The following ZSWIM5 variants were observed in gnomAD, a reference collection of about 807,000 sequenced individuals.
The protein encoded by ZSWIM5 is zinc finger SWIM-type containing 5.
ZSWIM5 carries 55 observed loss-of-function variants against 119.6 expected under a neutral mutation model. That is an observed-to-expected ratio of 0.46 (90% CI 0.37 to 0.58). ZSWIM5 has a LOEUF of 0.58. ZSWIM5 is among the 20% of genes least tolerant of loss of function. The probability of loss-of-function intolerance (pLI) is 0.00; values close to 1 mark genes in which losing one functional copy is unlikely to be tolerated. For missense variants in ZSWIM5, 1,193 were observed against 1,512.8 expected (o/e 0.79, Z 3.51); for synonymous variants, 537 against 606.9 (o/e 0.88, Z 1.69).
At chr1:45,181,716 G>A (rs1315306223) in intron 1 of ZSWIM5, among the ~76,000 whole-genome samples, 7 of 152,128 alleles carry the variant, frequency 4.6e-5, no homozygotes, top group Non-Finnish European at 1.0e-4. Flanking sequence ...AAGCCCATCA[G>A]ACTAACAGCT....
chr1:45,162,219 G>A (rs1365110592), intron 1 of ZSWIM5, among the ~76,000 whole-genome samples: 1 of 152,250 alleles, frequency 6.6e-6, no homozygotes, highest in Non-Finnish European at 1.5e-5. Flanking sequence ...GCTGGGCATG[G>A]TGGCTCACGC....
intron 6 of ZSWIM5, 145 bp from the exon 7 acceptor site, chr1:45,040,683 T>C: frequency 1.5e-6 from 1 of 659,060 alleles, no homozygotes; most frequent in Non-Finnish European, 2.4e-6. Context: ...TCTTTATCTT[T>C]AAGGATATAA....
rs1645027881 is a variant in ZSWIM5 at position 45,043,321 on chromosome 1, G to A, written c.1507C>T (p.His503Tyr). ...EGRELHWQDS[H>Y]LQRIISSDVY... ...TCACTGCTGATTATTCGCTGTAGGTGGCTATCCTGCCAATGTAATTCACGC... is the reference window on the plus strand; with the variant it reads ...TCACTGCTGATTATTCGCTGTAGGTAGCTATCCTGCCAATGTAATTCACGC... Residue 503 changes from histidine to tyrosine, a missense_variant, in exon 6 of 14, where the codon CAC (histidine) becomes TAC (tyrosine). This residue lies in a region of ZSWIM5 where 961 missense variants were observed against 1,290.0 expected (regional missense o/e 0.74). Coordinates refer to ENST00000359600, the MANE Select transcript of ZSWIM5 (RefSeq NM_020883.2). 1 of 1,614,196 alleles carries A rather than the reference G, an allele frequency of 6.2e-7. No homozygotes were observed. Among genetic ancestry groups the A allele is most frequent in the Non-Finnish European group, 8.5e-7 (1 of 1,180,032 alleles).
At chr1:45,115,042 T>G (rs1645542604) in intron 1 of ZSWIM5, among the ~76,000 whole-genome samples, 1 of 152,194 alleles carries the variant, frequency 6.6e-6, no homozygotes, top group Admixed American at 6.5e-5. Flanking sequence ...CATGTCCACC[T>G]CTTTCCACAC....
intron 11 of ZSWIM5, among the ~76,000 whole-genome samples, chr1:45,023,311 G>A (rs1387623956): frequency 6.6e-6 from 1 of 152,072 alleles, no homozygotes; most frequent in Non-Finnish European, 1.5e-5. Context: ...GCCTTTTCCA[G>A]CATATCATAT....
intron 10 of ZSWIM5, 141 bp from the exon 11 acceptor site, chr1:45,034,610 G>T: frequency 2.1e-6 from 2 of 970,336 alleles, no homozygotes; most frequent in Non-Finnish European, 3.0e-6. Context: ...TAAACCTATG[G>T]TACTATACAC....
At chr1:45,156,792 G>C (rs1215815853) in intron 1 of ZSWIM5, among the ~76,000 whole-genome samples, 2 of 150,694 alleles carry the variant, frequency 1.3e-5, no homozygotes, top group Non-Finnish European at 2.9e-5. Context: ...AAAACAAATG[G>C]CATCTAGATT....
chr1:45,185,171 C>T lies in ZSWIM5; in HGVS notation c.595+20585G>A, dbSNP rs1047608323. Among the ~76,000 whole-genome samples, 207 of 151,434 alleles carry T rather than the reference C, an allele frequency of 1.4e-3. 3 individuals carry two copies. Among genetic ancestry groups the T allele is most frequent in the Admixed American group, 6.2e-3 (94 of 15,152 alleles). Reference sequence around the variant, plus strand: ...GGGAAAGGATTCCCTATTTAATAAACGATGCTGGGAAAACTGGCTAGCCAT... The same window carrying T: ...GGGAAAGGATTCCCTATTTAATAAATGATGCTGGGAAAACTGGCTAGCCAT... On this transcript the variant is annotated intron_variant, in intron 1 of 13. Coordinates refer to ENST00000359600, the MANE Select transcript of ZSWIM5 (RefSeq NM_020883.2).
chr1:45,114,952 G>A (rs1358379001), intron 1 of ZSWIM5, among the ~76,000 whole-genome samples: 3 of 152,154 alleles, frequency 2.0e-5, no homozygotes, highest in African/African-American at 2.4e-5. Context: ...CAGAGAGCAC[G>A]GGGTTGGGGG....
intron 11 of ZSWIM5, among the ~76,000 whole-genome samples, chr1:45,029,686 T>G (rs146475388): frequency 6.6e-6 from 1 of 152,338 alleles, no homozygotes; most frequent in African/African-American, 2.4e-5. Context: ...TAAGTCAAAA[T>G]CATACGATCT....
At chr1:45,160,465 T>G (rs551341620) in intron 1 of ZSWIM5, among the ~76,000 whole-genome samples, 40 of 152,278 alleles carry the variant, frequency 2.6e-4, no homozygotes, top group East Asian at 1.4e-3. Context: ...CTGGTATCCA[T>G]CATTTTACTA....
intron 1 of ZSWIM5, among the ~76,000 whole-genome samples, chr1:45,093,846 GT>G (rs11383878): frequency 1.0e-3 from 141 of 137,532 alleles, no homozygotes; most frequent in African/African-American, 3.1e-3. Context: ...GTAGAAGCTT[GT>G]TTTTTTTTTT....
intron 11 of ZSWIM5, among the ~76,000 whole-genome samples, chr1:45,032,459 T>C (rs1366085073): frequency 6.7e-6 from 1 of 149,264 alleles, no homozygotes; most frequent in Non-Finnish European, 1.5e-5. Context: ...ATATTTTCAT[T>C]GGTATAAAAT....
chr1:45,042,252 C>A (rs1362611563), intron 6 of ZSWIM5, among the ~76,000 whole-genome samples: 1 of 152,058 alleles, frequency 6.6e-6, no homozygotes, highest in Non-Finnish European at 1.5e-5. Flanking sequence ...AATGAGAGTA[C>A]CTAGCTCCAT....
intron 1 of ZSWIM5, among the ~76,000 whole-genome samples, chr1:45,099,975 TG>T (rs747235714): frequency 1.1e-4 from 16 of 152,194 alleles, no homozygotes; most frequent in African/African-American, 1.4e-4. Context: ...GCATTCCCTT[TG>T]AAAACTGGCA....
intron 1 of ZSWIM5, among the ~76,000 whole-genome samples, chr1:45,091,288 T>C (rs1354670449): frequency 6.6e-6 from 1 of 152,122 alleles, no homozygotes; most frequent in Non-Finnish European, 1.5e-5. Flanking sequence ...ACTTGAATCC[T>C]GATACAAAGA....
rs113825465 is a variant in ZSWIM5 at position 45,061,738 on chromosome 1, G to GT, written c.953-1492dup. Among the ~76,000 whole-genome samples, 1,161 of 142,536 alleles carry GT rather than the reference G, an allele frequency of 8.1e-3. 3 individuals are homozygous for GT. The highest frequency in any genetic ancestry group is 0.018 in the Middle Eastern group (5 of 274). 93.5% of individuals were successfully genotyped at this position (142,536 alleles called of 152,430 possible). ...AATTAACATACCCATCACCTCACCA[G>GT]TTTTTTTTTTTTTTTTGATGTGGTA... On this transcript the variant is annotated intron_variant, in intron 2 of 13. Transcript: ENST00000359600.
At chr1:45,059,796 G>A (rs1645142446) in intron 3 of ZSWIM5, among the ~76,000 whole-genome samples, 1 of 152,096 alleles carries the variant, frequency 6.6e-6, no homozygotes, top group East Asian at 1.9e-4. Context: ...TAGTCTTCAG[G>A]CTTCATCAGG....
intron 1 of ZSWIM5, among the ~76,000 whole-genome samples, chr1:45,196,002 G>GGACTACA (rs1646119852): frequency 6.7e-6 from 1 of 149,838 alleles, no homozygotes; most frequent in Admixed American, 6.7e-5. Context: ...CAAGTAGCCG[G>GGACTACA]GACTACAGGT....
Sources: gnomAD v4.1 joint callset for allele counts (sites outside exome capture counted in the v4.1 genomes callset) on GRCh38, gnomAD v4.1.1 for gene constraint, gnomAD v4.1.1 regional missense constraint, MANE v1.5 for transcripts, NCBI Gene and HGNC (gene_info 2026-07-23, HGNC 2026-07-21) for gene names.